Variants in CLEC4D observed in about 807,000 individuals in gnomAD.
CLEC4D encodes the protein C-type lectin domain family 4 member D.
A neutral mutation model predicts 21.1 loss-of-function variants in CLEC4D; 21 were observed. That is an observed-to-expected ratio of 1.00 (90% CI 0.71 to 1.43). The LOEUF (loss-of-function observed/expected upper bound fraction) is 1.43. CLEC4D is among the 40% of genes most tolerant of loss of function. The pLI is 0.00. For missense variants in CLEC4D, 289 were observed against 260.7 expected (o/e 1.11, Z -0.75); for synonymous variants, 85 against 83.1 (o/e 1.02, Z -0.12).
At chr12:8,520,998 T>C (rs1940450426) in intron 5 of CLEC4D, 126 bp from the exon 6 acceptor site, 2 of 1,280,026 alleles carry the variant, frequency 1.6e-6, no homozygotes, top group Non-Finnish European at 2.1e-6. Flanking sequence ...ATTAGTGCAG[T>C]TCTAAACTGT....
chr12:8,520,463 G>A (rs965452238), intron 5 of CLEC4D, 122 bp downstream of exon 5: 1 of 1,404,798 alleles, frequency 7.1e-7, no homozygotes, highest in Non-Finnish European at 9.3e-7. Context: ...ACTGTAGGTT[G>A]AGTAATCTCC....
At chr12:8,523,142 C>G (rs1940479544), downstream of CLEC4D, among the ~76,000 whole-genome samples, 2 of 152,126 alleles carry the variant, frequency 1.3e-5, no homozygotes, top group African/African-American at 4.8e-5. Flanking sequence ...ATGCCCCCAG[C>G]TTTGTTCTTT....
In CLEC4D at chr12:8,521,351, G is replaced by T; in HGVS notation, c.*80G>T. Reference sequence around the variant, plus strand: ...AAGGCAGAATGTACGTGCGTCATTGGAACACAGAAAACATGCTGGTTCATA... The same window carrying T: ...AAGGCAGAATGTACGTGCGTCATTGTAACACAGAAAACATGCTGGTTCATA... On this transcript the variant is annotated 3_prime_UTR_variant, in exon 6 of 6. Coordinates refer to ENST00000299665, the MANE Select transcript of CLEC4D (RefSeq NM_080387.5). The T allele has an allele frequency of 6.6e-7, 1 of 1,519,980 alleles. No homozygotes were observed. The highest frequency in any genetic ancestry group is 8.8e-7 in the Non-Finnish European group (1 of 1,140,536). The allele number at this position is 1,519,980 out of a possible 1,614,324, so 94.2% of individuals were successfully genotyped here. A position where few individuals can be genotyped will look rare whatever the true frequency, so the allele number is the denominator to read the frequency against.
At chr12:8,517,561 G>A (rs980986483) in intron 2 of CLEC4D, among the ~76,000 whole-genome samples, 20 of 151,394 alleles carry the variant, frequency 1.3e-4, no homozygotes, top group Admixed American at 9.9e-4. Flanking sequence ...ACAACCCAGC[G>A]CGCACCAAAA....
intron 5 of CLEC4D, among the ~76,000 whole-genome samples, chr12:8,520,727 A>G (rs1940447622): frequency 6.6e-6 from 1 of 152,188 alleles, no homozygotes; most frequent in South Asian, 2.1e-4. Context: ...TGCAATTTAA[A>G]ATTTTTTGTT....
chr12:8,514,022 T>C (rs1240050686), intron 1 of CLEC4D, among the ~76,000 whole-genome samples: 1 of 151,820 alleles, frequency 6.6e-6, no homozygotes, highest in Non-Finnish European at 1.5e-5. Context: ...AAGAGAGTAA[T>C]ATGAGAAGAT....
At position 8,521,348 on chromosome 12, in the gene CLEC4D, T is replaced by C. The variant is rs1940456254; in HGVS notation, c.*77T>C. ...AATAAGGCAGAATGTACGTGCGTCA[T>C]TGGAACACAGAAAACATGCTGGTTC... On this transcript the variant is annotated 3_prime_UTR_variant, in exon 6 of 6. Coordinates refer to ENST00000299665, the MANE Select transcript of CLEC4D (RefSeq NM_080387.5). 8 of 1,524,126 alleles carry C rather than the reference T, an allele frequency of 5.2e-6. No individual in the cohort carries two copies. Among genetic ancestry groups the C allele is most frequent in the African/African-American group, 1.4e-5 (1 of 71,936 alleles). The allele number at this position is 1,524,126 out of a possible 1,614,324, so 94.4% of individuals were successfully genotyped here.
At chr12:8,515,159 G>T in intron 1 of CLEC4D, 77 bp from the exon 2 acceptor site, 1 of 802,722 alleles carries the variant, frequency 1.2e-6, no homozygotes. Flanking sequence ...GTCACTTTTA[G>T]ATTGCTCCTT....
intron 2 of CLEC4D, 130 bp downstream of exon 2, chr12:8,515,458 G>A: frequency 1.8e-6 from 1 of 570,484 alleles, no homozygotes; most frequent in South Asian, 2.3e-5. Context: ...TCAGGGTCTT[G>A]CACTGAATAT....
At chr12:8,520,451 C>T in intron 5 of CLEC4D, 110 bp downstream of exon 5, 1 of 1,451,262 alleles carries the variant, frequency 6.9e-7, no homozygotes, top group East Asian at 2.5e-5. Context: ...TTAAGAGAGA[C>T]CACTGTAGGT....
In CLEC4D at chr12:8,519,097, G is replaced by A. The variant is rs1940423421; in HGVS notation, c.321G>A (p.Glu107=). ...FPLTDNKTWA[E]SERNCSGMGA... is the part of the protein sequence containing the mutation. ...TTACTGACAACAAGACGTGGGCTGA[G>A]AGTGAAAGGAACTGTTCAGGGATGG... The change falls in exon 4 of 6, where the codon GAG becomes GAA. Residue 107 remains glutamate, a synonymous_variant. Transcript: ENST00000299665. 6.2e-7 allele frequency: 1 copy of A among 1,614,164 alleles called. No homozygotes were observed. Among genetic ancestry groups the A allele is most frequent in the Non-Finnish European group, 8.5e-7 (1 of 1,180,020 alleles).
chr12:8,528,721 A>G, the CLEC4D span, among the ~76,000 whole-genome samples: 1 of 152,184 alleles, frequency 6.6e-6, no homozygotes, highest in Non-Finnish European at 1.5e-5. Flanking sequence ...TAGTAAACGT[A>G]GAAGATAAAT....
chr12:8,523,942 G>A (rs372437074), downstream of CLEC4D, among the ~76,000 whole-genome samples: 44 of 152,122 alleles, frequency 2.9e-4, 1 homozygote, highest in African/African-American at 4.3e-4. Context: ...CCTTTTCTGC[G>A]TCTATTGAGA....
the CLEC4D span, among the ~76,000 whole-genome samples, chr12:8,531,288 G>A: frequency 9.9e-5 from 15 of 152,200 alleles, no homozygotes; most frequent in African/African-American, 2.4e-4. Context: ...ATGCACACAC[G>A]TATAAAGACC....
the CLEC4D span, among the ~76,000 whole-genome samples, chr12:8,529,018 G>C: frequency 6.6e-6 from 1 of 151,906 alleles, no homozygotes; most frequent in Non-Finnish European, 1.5e-5. Context: ...ATATAGTTTT[G>C]ATTTATATCT....
At chr12:8,518,534 C>G (rs1940414181) in intron 3 of CLEC4D, among the ~76,000 whole-genome samples, 1 of 152,202 alleles carries the variant, frequency 6.6e-6, no homozygotes, top group Non-Finnish European at 1.5e-5. Flanking sequence ...TCAATTTTCC[C>G]TTGATTCAGA....
chr12:8,515,485 G>C (rs1940367016), intron 2 of CLEC4D, among the ~76,000 whole-genome samples, 157 bp downstream of exon 2: 1 of 152,008 alleles, frequency 6.6e-6, no homozygotes, highest in Non-Finnish European at 1.5e-5. Flanking sequence ...CTACATTCTT[G>C]ACCTTCTGTC....
the CLEC4D span, among the ~76,000 whole-genome samples, chr12:8,527,732 A>C: frequency 4.0e-5 from 6 of 151,704 alleles, no homozygotes; most frequent in Admixed American, 1.3e-4. Context: ...GCGCTCCCCC[A>C]CCCCCAGGAG....
chr12:8,515,514 G>C (rs1399077190), intron 2 of CLEC4D, among the ~76,000 whole-genome samples, 186 bp downstream of exon 2: 1 of 152,110 alleles, frequency 6.6e-6, no homozygotes, highest in African/African-American at 2.4e-5. Context: ...GTGGTACCTT[G>C]TGATAGAGAT....
Sources: allele counts gnomAD v4.1 joint callset (sites outside exome capture counted in the v4.1 genomes callset), GRCh38; gene constraint gnomAD v4.1.1; transcripts MANE v1.5; gene names NCBI Gene and HGNC (gene_info 2026-07-23, HGNC 2026-07-21).